The following COL24A1 variants were observed in gnomAD, a reference collection of about 807,000 sequenced individuals.
COL24A1 encodes the protein collagen alpha-1(XXIV) chain.
Under a neutral mutation model 253.9 loss-of-function variants are expected in COL24A1, and 224 were observed. That is an observed-to-expected ratio of 0.88 (90% CI 0.79 to 0.99). The LOEUF (loss-of-function observed/expected upper bound fraction) is 0.99. COL24A1 is among the 50% of genes least tolerant of loss of function. COL24A1 has a pLI of 0.00. For missense variants in COL24A1, 2,131 were observed against 2,068.5 expected (o/e 1.03, Z -0.59); for synonymous variants, 685 against 673.7 (o/e 1.02, Z -0.26).
At chr1:85,878,926 G>T (rs1266861754) in intron 32 of COL24A1, among the ~76,000 whole-genome samples, 1 of 151,834 alleles carries the variant, frequency 6.6e-6, no homozygotes, top group Non-Finnish European at 1.5e-5. Flanking sequence ...ATTTTAACTG[G>T]TTTTTAAAGA....
chr1:86,140,916 C>T (rs964819306), intron 2 of COL24A1, among the ~76,000 whole-genome samples: 1 of 152,162 alleles, frequency 6.6e-6, no homozygotes, highest in African/African-American at 2.4e-5. Context: ...CAATTTACAT[C>T]TATTAATAAG....
At chr1:86,110,963 G>C (rs1015041726) in intron 5 of COL24A1, among the ~76,000 whole-genome samples, 3 of 152,180 alleles carry the variant, frequency 2.0e-5, no homozygotes, top group East Asian at 1.9e-4. Context: ...GGGCAGCTCC[G>C]ACCGTTGCCC....
rs556487433 is a variant in COL24A1 at position 86,028,412 on chromosome 1, C to G, written c.2049+3466G>C. Among the ~76,000 whole-genome samples the G allele has an allele frequency of 1.4e-4, 21 of 152,266 alleles. No homozygotes were observed. In the East Asian group the frequency reaches 4.1e-3, roughly 29 times the overall value. Reference sequence around the variant, plus strand: ...ATAATTGGATCATGGAGATGGCTGCCCCATGCTGTTCCCATGATAGTAAGT... The same window carrying G: ...ATAATTGGATCATGGAGATGGCTGCGCCATGCTGTTCCCATGATAGTAAGT... On this transcript the variant is annotated intron_variant, in intron 14 of 59. Coordinates refer to ENST00000370571, the MANE Select transcript of COL24A1 (RefSeq NM_152890.7).
intron 8 of COL24A1, among the ~76,000 whole-genome samples, chr1:86,063,269 G>A (rs1312352916): frequency 6.6e-6 from 1 of 151,862 alleles, no homozygotes; most frequent in African/African-American, 2.4e-5. Flanking sequence ...CATTTCCTCA[G>A]GAAAAGGTCA....
chr1:86,115,834 T>C (rs184648203), intron 3 of COL24A1, among the ~76,000 whole-genome samples: 1 of 152,312 alleles, frequency 6.6e-6, no homozygotes, highest in Admixed American at 6.5e-5. Context: ...AGGATCTGTG[T>C]AATGTGTTAA....
intron 37 of COL24A1, among the ~76,000 whole-genome samples, chr1:85,854,711 GT>G (rs33970078): frequency 5.4e-4 from 78 of 143,606 alleles, no homozygotes; most frequent in East Asian, 1.8e-3. Context: ...CTAGGTTTTT[GT>G]TTTTTTTTTT....
chr1:85,871,996 A>C (rs1248488177), intron 35 of COL24A1, among the ~76,000 whole-genome samples: 1 of 152,372 alleles, frequency 6.6e-6, no homozygotes, highest in East Asian at 1.9e-4. Context: ...CAACTTCAGC[A>C]AAGTATCAGG....
In COL24A1 at chr1:85,730,240, C is replaced by T. The variant is rs186083428; in HGVS notation, c.*306G>A. ...ATCTCCAGCTGTCTAATGGGTACTA[C>T]GCACTCAGTCAAAAATATAAGATAC... On this transcript the variant is annotated 3_prime_UTR_variant, in exon 60 of 60. Transcript: ENST00000370571. The T allele has an allele frequency of 3.7e-4, 84 of 225,790 alleles. No homozygotes were observed. Among genetic ancestry groups the T allele is most frequent in the Non-Finnish European group, 4.6e-4 (52 of 112,940 alleles). 14.0% of individuals were successfully genotyped at this position (225,790 alleles called of 1,614,324 possible). A position where few individuals can be genotyped will look rare whatever the true frequency, so the allele number is the denominator to read the frequency against.
intron 19 of COL24A1, among the ~76,000 whole-genome samples, chr1:86,006,085 C>A (rs1489743222): frequency 6.6e-6 from 1 of 152,078 alleles, no homozygotes; most frequent in East Asian, 1.9e-4. Context: ...GAAGTAAATT[C>A]TTCCCAATGT....
rs1214498098 is a variant in COL24A1 at position 86,022,760 on chromosome 1, T to C, written c.2148+73A>G. On this transcript the variant is annotated intron_variant, in intron 16 of 59. Transcript: ENST00000370571. The stretch of plus-strand genomic sequence containing the variant: ...GACTCCATAAAAACAAAATATTTCA[T>C]AAATTGTGTTGACTGAAAAGTAAAA... 2.1e-5 allele frequency: 27 copies of C among 1,269,072 alleles called. No individual in the cohort carries two copies. In the East Asian group the frequency reaches 6.6e-4, roughly 31 times the overall value. The allele number at this position is 1,269,072 out of a possible 1,614,324, so 78.6% of individuals were successfully genotyped here.
intron 24 of COL24A1, among the ~76,000 whole-genome samples, chr1:85,924,030 T>A (rs1292919441): frequency 6.6e-6 from 1 of 152,182 alleles, no homozygotes; most frequent in Non-Finnish European, 1.5e-5. Context: ...CATCAGAGAA[T>A]ACTATAAACA....
intron 14 of COL24A1, among the ~76,000 whole-genome samples, chr1:86,028,221 T>C (rs915387480): frequency 1.3e-5 from 2 of 152,166 alleles, no homozygotes; most frequent in African/African-American, 2.4e-5. Flanking sequence ...AGCTAGAACT[T>C]TGGGGGACTG....
chr1:85,775,224 T>C (rs1043981007), intron 53 of COL24A1, among the ~76,000 whole-genome samples: 1 of 152,210 alleles, frequency 6.6e-6, no homozygotes, highest in Non-Finnish European at 1.5e-5. Context: ...GATTGCAGTG[T>C]TGTCTGAGAG....
intron 29 of COL24A1, 54 bp from the exon 30 acceptor site, chr1:85,896,119 C>T: frequency 6.4e-7 from 1 of 1,563,836 alleles, no homozygotes; most frequent in South Asian, 1.1e-5. Flanking sequence ...TATGGTCTTA[C>T]TATGCTAGCA....
At chr1:85,770,551 A>G (rs1202696466) in intron 53 of COL24A1, among the ~76,000 whole-genome samples, 1 of 152,142 alleles carries the variant, frequency 6.6e-6, no homozygotes, top group Non-Finnish European at 1.5e-5. Flanking sequence ...TAATCATGTG[A>G]GATGAATATG....
intron 5 of COL24A1, among the ~76,000 whole-genome samples, chr1:86,093,882 G>GAAAA (rs1187732755): frequency 6.6e-6 from 1 of 152,060 alleles, no homozygotes; most frequent in Non-Finnish European, 1.5e-5. Flanking sequence ...ACAAGCATAT[G>GAAAA]AAAAAAATCT....
chr1:85,912,605 C>T (rs1361257608), intron 24 of COL24A1, among the ~76,000 whole-genome samples: 1 of 152,112 alleles, frequency 6.6e-6, no homozygotes, highest in Non-Finnish European at 1.5e-5. Flanking sequence ...ATCTAATGAT[C>T]CCATATATAT....
intron 5 of COL24A1, among the ~76,000 whole-genome samples, chr1:86,097,664 TCTCCTC>T (rs1200199087): frequency 7.5e-6 from 1 of 133,794 alleles, no homozygotes; most frequent in Non-Finnish European, 1.6e-5. Context: ...CTCCTCCCCT[TCTCCTC>T]CTCCTCCTCC....
rs1387436898 is a variant in COL24A1 at position 85,815,227 on chromosome 1, C to A, written c.3951+1561G>T. On this transcript the variant is annotated intron_variant, in intron 47 of 59. Transcript: ENST00000370571. Reference sequence around the variant, plus strand: ...TCCACAAAAATACAGACTCTCAAACCAATTCAAAGGGTTTTACTGTTGTAT... The same window carrying A: ...TCCACAAAAATACAGACTCTCAAACAAATTCAAAGGGTTTTACTGTTGTAT... Among the ~76,000 whole-genome samples the A allele has an allele frequency of 2.0e-5, 3 of 152,080 alleles. No homozygotes were observed. The East Asian group carries it at 5.8e-4, about 29-fold the overall frequency.
Sources: allele counts gnomAD v4.1 joint callset (sites outside exome capture counted in the v4.1 genomes callset), GRCh38; gene constraint gnomAD v4.1.1; transcripts MANE v1.5; gene names NCBI Gene and HGNC (gene_info 2026-07-23, HGNC 2026-07-21).